C10orf143: variants seen among roughly 807,000 people sequenced by gnomAD.
C10orf143 encodes chromosome 10 open reading frame 143.
chr10:130,091,679 G>A (rs777393751), intron 1 of C10orf143, among the ~76,000 whole-genome samples: 3 of 152,188 alleles, frequency 2.0e-5, no homozygotes, highest in Admixed American at 6.5e-5. Flanking sequence ...AAAAAAGTTA[G>A]ATGAATTGCT....
At chr10:130,088,553 G>A (rs1590026802) in intron 1 of C10orf143, among the ~76,000 whole-genome samples, 4 of 152,292 alleles carry the variant, frequency 2.6e-5, no homozygotes, top group African/African-American at 9.6e-5. Flanking sequence ...AAGATCATTT[G>A]TAGTGTAAGT....
At chr10:130,053,164 G>C (rs549804237) in intron 3 of C10orf143, among the ~76,000 whole-genome samples, 3 of 152,190 alleles carry the variant, frequency 2.0e-5, no homozygotes, top group Admixed American at 2.0e-4. Flanking sequence ...GGGTTCAGGC[G>C]ATTCTCCTAC....
At chr10:130,050,031 G>A (rs1270234211) in intron 3 of C10orf143, among the ~76,000 whole-genome samples, 1 of 152,222 alleles carries the variant, frequency 6.6e-6, no homozygotes, top group Non-Finnish European at 1.5e-5. Flanking sequence ...GGCCTCGACA[G>A]TGTGCATGGA....
intron 1 of C10orf143, chr10:130,108,233 C>A (rs538921464): frequency 6.4e-7 from 1 of 1,552,030 alleles, no homozygotes; most frequent in South Asian, 1.1e-5. Flanking sequence ...TGGAGCTTCT[C>A]GAGATTATTT....
At chr10:130,044,699 T>A (rs1254430812) in intron 3 of C10orf143, among the ~76,000 whole-genome samples, 1 of 152,142 alleles carries the variant, frequency 6.6e-6, no homozygotes, top group Non-Finnish European at 1.5e-5. Flanking sequence ...GCCAGCATGA[T>A]GGAAGGGAAA....
chr10:130,053,262 T>G (rs1363161796), intron 3 of C10orf143, among the ~76,000 whole-genome samples: 1 of 152,202 alleles, frequency 6.6e-6, no homozygotes, highest in Non-Finnish European at 1.5e-5. Flanking sequence ...GGTTTCACTA[T>G]GTTGGCCAGG....
intron 1 of C10orf143, among the ~76,000 whole-genome samples, chr10:130,082,119 A>G (rs1861219297): frequency 6.6e-6 from 1 of 152,100 alleles, no homozygotes; most frequent in African/African-American, 2.4e-5. Flanking sequence ...CAAAATATAT[A>G]TGAAAGTTTG....
At chr10:130,058,178 C>T (rs931617221) in intron 3 of C10orf143, among the ~76,000 whole-genome samples, 2 of 152,180 alleles carry the variant, frequency 1.3e-5, no homozygotes, top group Non-Finnish European at 1.5e-5. Flanking sequence ...TTGCCCCAGA[C>T]TTAAGAGTCT....
intron 3 of C10orf143, among the ~76,000 whole-genome samples, chr10:130,036,752 G>T (rs1049553214): frequency 6.6e-6 from 1 of 152,146 alleles, no homozygotes; most frequent in Non-Finnish European, 1.5e-5. Context: ...GCCCACCTAG[G>T]TGCACACTGT....
chr10:130,107,735 C>G (rs1861680877), intron 1 of C10orf143: 1 of 1,240,542 alleles, frequency 8.1e-7, no homozygotes, highest in East Asian at 2.4e-5. Context: ...AGGGAATCCT[C>G]TGGACCATCA....
intron 1 of C10orf143, among the ~76,000 whole-genome samples, chr10:130,103,329 T>C (rs953931389): frequency 5.9e-5 from 9 of 152,136 alleles, no homozygotes; most frequent in African/African-American, 2.2e-4. Flanking sequence ...TTTAGTTTTA[T>C]CTCTACTAAA....
chr10:130,040,410 G>A (rs763168000), intron 3 of C10orf143, among the ~76,000 whole-genome samples: 5 of 152,308 alleles, frequency 3.3e-5, no homozygotes, highest in African/African-American at 2.4e-5. Flanking sequence ...TTTGCAAAAC[G>A]GCTTAGGAAG....
intron 1 of C10orf143, among the ~76,000 whole-genome samples, chr10:130,089,030 C>T (rs1482938233): frequency 6.6e-6 from 1 of 152,154 alleles, no homozygotes; most frequent in African/African-American, 2.4e-5. Flanking sequence ...TTTCAGTCCA[C>T]ACTCTTGACC....
At chr10:130,090,554 G>A (rs1274152140) in intron 1 of C10orf143, among the ~76,000 whole-genome samples, 1 of 152,092 alleles carries the variant, frequency 6.6e-6, no homozygotes, top group African/African-American at 2.4e-5. Flanking sequence ...TGGAACACCA[G>A]TGAGACAGAA....
At chr10:130,055,349 C>A (rs1860783286) in intron 3 of C10orf143, among the ~76,000 whole-genome samples, 1 of 152,052 alleles carries the variant, frequency 6.6e-6, no homozygotes, top group African/African-American at 2.4e-5. Context: ...ATTTGCAAAC[C>A]ACATATCTGA....
At chr10:130,106,118 G>A in intron 1 of C10orf143, 1 of 678,942 alleles carries the variant, frequency 1.5e-6, no homozygotes. Flanking sequence ...GGTTGTGGCA[G>A]CGCTGCCTGA....
intron 3 of C10orf143, chr10:130,068,177 A>G (rs1387605420): frequency 6.6e-6 from 1 of 152,272 alleles, no homozygotes; most frequent in Non-Finnish European, 1.5e-5. Flanking sequence ...CCTGGATGTA[A>G]GCCATGCAGG....
At chr10:130,043,847 A>C (rs753795189) in intron 3 of C10orf143, among the ~76,000 whole-genome samples, 6 of 152,224 alleles carry the variant, frequency 3.9e-5, no homozygotes, top group Non-Finnish European at 8.8e-5. Flanking sequence ...AGCAATGTGG[A>C]GCTCCGCCTC....
intron 1 of C10orf143, among the ~76,000 whole-genome samples, chr10:130,085,531 G>A (rs1055661339): frequency 6.6e-6 from 1 of 152,106 alleles, no homozygotes; most frequent in African/African-American, 2.4e-5. Flanking sequence ...AAGAGAGGAA[G>A]GAAACACAAT....
Sources: gnomAD v4.1 joint callset for allele counts (sites outside exome capture counted in the v4.1 genomes callset) on GRCh38, gnomAD v4.1.1 for gene constraint, MANE v1.5 for transcripts, NCBI Gene and HGNC (gene_info 2026-07-23, HGNC 2026-07-21) for gene names.